The following SEMA5B variants were observed in gnomAD, a reference collection of about 807,000 sequenced individuals.
SEMA5B encodes semaphorin-5B.
A neutral mutation model predicts 135.0 loss-of-function variants in SEMA5B; 66 were observed. The ratio of observed to expected loss-of-function variants is 0.49; its 90% CI spans 0.40 to 0.60. The LOEUF is 0.60. Among genes scored for constraint, SEMA5B ranks in the 20% least tolerant of loss-of-function variants. The pLI, the probability that SEMA5B is intolerant of heterozygous loss-of-function variation, is 0.00. For missense variants in SEMA5B, 1,501 were observed against 1,566.3 expected (o/e 0.96, Z 0.70); for synonymous variants, 690 against 639.5 (o/e 1.08, Z -1.19).
At chr3:122,960,642 A>G (rs1940532999) in intron 2 of SEMA5B, among the ~76,000 whole-genome samples, 1 of 152,270 alleles carries the variant, frequency 6.6e-6, no homozygotes, top group East Asian at 1.9e-4. Context: ...ATTCAGCCTT[A>G]TAAAAGGAGG....
At chr3:122,955,425 T>C (rs1328489440) in intron 2 of SEMA5B, among the ~76,000 whole-genome samples, 1 of 152,242 alleles carries the variant, frequency 6.6e-6, no homozygotes, top group Non-Finnish European at 1.5e-5. Flanking sequence ...TCTCAACTAG[T>C]TTAAGCCCTT....
intron 1 of SEMA5B, among the ~76,000 whole-genome samples, chr3:122,977,574 C>T (rs1188351302): frequency 6.6e-6 from 1 of 152,188 alleles, no homozygotes; most frequent in Non-Finnish European, 1.5e-5. Flanking sequence ...TACAGCTCTA[C>T]CTAGCCAGCC....
chr3:122,934,625 C>T (rs918365469), intron 5 of SEMA5B, among the ~76,000 whole-genome samples: 4 of 151,994 alleles, frequency 2.6e-5, no homozygotes, highest in Non-Finnish European at 5.9e-5. Context: ...ATTCAAATAA[C>T]CAAAATTATT....
chr3:122,992,605 C>T (rs1941912083), intron 1 of SEMA5B, among the ~76,000 whole-genome samples: 1 of 152,128 alleles, frequency 6.6e-6, no homozygotes, highest in Non-Finnish European at 1.5e-5. Flanking sequence ...CTCCCTGATG[C>T]CCCACCTCCT....
At chr3:122,936,884 C>T (rs1001918544) in intron 5 of SEMA5B, among the ~76,000 whole-genome samples, 1 of 152,208 alleles carries the variant, frequency 6.6e-6, no homozygotes, top group Non-Finnish European at 1.5e-5. Flanking sequence ...ATTCGATTTT[C>T]TTTAAGGAAG....
At chr3:123,018,809 C>A (rs1304470000) in intron 1 of SEMA5B, among the ~76,000 whole-genome samples, 1 of 152,172 alleles carries the variant, frequency 6.6e-6, no homozygotes, top group Non-Finnish European at 1.5e-5. Flanking sequence ...GCCTTATATT[C>A]CATACTGGGA....
rs147274297 is a variant in SEMA5B, at chr3:122,915,851, G to A, written c.1728C>T (p.Asp576=). 4.2e-4 allele frequency: 671 copies of A among 1,613,944 alleles called. No individual in the cohort carries two copies. The highest frequency in any genetic ancestry group is 9.3e-4 in the Admixed American group (56 of 60,010). The change falls in exon 13 of 23, where the codon GAC becomes GAT. Residue 576 remains aspartate, a synonymous_variant. Coordinates refer to ENST00000357599, the MANE Select transcript of SEMA5B (RefSeq NM_001031702.4). ...GTGTGCTGCAACGTTGCTGCTTCCC[G>A]TCCCAGCCACAGTACGGGTCCCGGG... The part of the protein sequence containing the change: ...LGARDPYCGW[D]GKQQRCSTLE...
intron 1 of SEMA5B, among the ~76,000 whole-genome samples, chr3:122,991,822 G>A (rs1049220335): frequency 1.3e-5 from 2 of 152,126 alleles, no homozygotes; most frequent in East Asian, 1.9e-4. Flanking sequence ...TTATCTTGTC[G>A]AAACATACTC....
At chr3:122,994,578 C>T (rs1411243815) in intron 1 of SEMA5B, among the ~76,000 whole-genome samples, 1 of 152,078 alleles carries the variant, frequency 6.6e-6, no homozygotes, top group East Asian at 1.9e-4. Flanking sequence ...GGGAGGAGCT[C>T]TTTGGAGACA....
intron 12 of SEMA5B, among the ~76,000 whole-genome samples, chr3:122,921,146 A>C (rs2107635248): frequency 6.6e-6 from 1 of 152,318 alleles, no homozygotes; most frequent in East Asian, 1.9e-4. Flanking sequence ...TGGCACAGCC[A>C]GGACTCTCGG....
chr3:122,912,858 G>T lies in SEMA5B; in HGVS notation c.2710C>A (p.Pro904Thr). The T allele has an allele frequency of 6.3e-7, 1 of 1,589,730 alleles. No individual in the cohort carries two copies. The highest frequency in any genetic ancestry group is 2.3e-5 in the East Asian group (1 of 43,516). ...GCAGGGTTACCTGGGCAAGCCTGGGGGTTGCAGTCCTGGTACTCGGCAGCA... is the reference window on the plus strand; with the variant it reads ...GCAGGGTTACCTGGGCAAGCCTGGGTGTTGCAGTCCTGGTACTCGGCAGCA... ...GDAAEYQDCN[P>T]QACPVRGAWS... is the part of the protein sequence containing the mutation. The change falls in exon 18 of 23, where the codon CCC (proline) becomes ACC (threonine). Residue 904 changes from proline (P) to threonine (T), a missense_variant. Pro to Thr is a conservative substitution (Grantham distance 38, BLOSUM62 -1). Transcript: ENST00000357599.
chr3:123,004,721 G>C (rs1258558652), intron 1 of SEMA5B, among the ~76,000 whole-genome samples: 1 of 152,096 alleles, frequency 6.6e-6, no homozygotes, highest in South Asian at 2.1e-4. Flanking sequence ...CTCCCACCAG[G>C]CTCCTCCACA....
intron 1 of SEMA5B, among the ~76,000 whole-genome samples, chr3:122,981,853 C>A (rs777844027): frequency 2.6e-5 from 4 of 152,178 alleles, no homozygotes; most frequent in Non-Finnish European, 5.9e-5. Flanking sequence ...TGGGAGGCAA[C>A]CAGGATCTGG....
At chr3:122,976,588 A>C (rs779624675) in intron 1 of SEMA5B, among the ~76,000 whole-genome samples, 3 of 152,222 alleles carry the variant, frequency 2.0e-5, no homozygotes, top group Non-Finnish European at 4.4e-5. Context: ...AAAAGACTGC[A>C]CAGTGAACAC....
chr3:122,996,052 G>A (rs958330016), intron 1 of SEMA5B, among the ~76,000 whole-genome samples: 1 of 152,230 alleles, frequency 6.6e-6, no homozygotes, highest in Admixed American at 6.5e-5. Flanking sequence ...TAGTCTGAGG[G>A]CCTTTCCCCT....
At chr3:122,983,858 C>A (rs16833740) in intron 1 of SEMA5B, among the ~76,000 whole-genome samples, 5,427 of 150,228 alleles carry the variant, frequency 0.036, 257 homozygotes, top group East Asian at 0.2. Flanking sequence ...TAACTGCTCA[C>A]TAATGTTAGT....
At chr3:122,951,012 C>T (rs2107562500) in intron 2 of SEMA5B, among the ~76,000 whole-genome samples, 1 of 152,270 alleles carries the variant, frequency 6.6e-6, no homozygotes, top group East Asian at 1.9e-4. Flanking sequence ...TGGCTCACTG[C>T]AGTCTTGACC....
intron 1 of SEMA5B, among the ~76,000 whole-genome samples, chr3:123,003,027 AAGC>A (rs1478802425): frequency 1.3e-5 from 2 of 152,132 alleles, no homozygotes; most frequent in Non-Finnish European, 2.9e-5. Flanking sequence ...AAAGATCAAC[AAGC>A]AGGTATAGTT....
chr3:122,926,303 C>G (rs1369605639), intron 9 of SEMA5B, 89 bp downstream of exon 9: 2 of 1,289,452 alleles, frequency 1.6e-6, no homozygotes, highest in Non-Finnish European at 2.1e-6. Flanking sequence ...GCACGGCAGT[C>G]CCCATTTTAT....
Sources: gnomAD v4.1 joint callset for allele counts (sites outside exome capture counted in the v4.1 genomes callset) on GRCh38, gnomAD v4.1.1 for gene constraint, MANE v1.5 for transcripts, NCBI Gene and HGNC (gene_info 2026-07-23, HGNC 2026-07-21) for gene names.